Variants in EPHA6 observed in about 807,000 individuals in gnomAD.
EPHA6 encodes EPH receptor A6.
Under a neutral mutation model 112.0 loss-of-function variants are expected in EPHA6, and 50 were observed. The observed-to-expected ratio is 0.45, with a 90% CI of 0.36 to 0.56. The LOEUF (loss-of-function observed/expected upper bound fraction) is 0.56. EPHA6 is among the 20% of genes least tolerant of loss of function. The pLI is 0.00. For missense variants in EPHA6, 1,280 were observed against 1,417.4 expected, an observed-to-expected ratio of 0.90 and a Z score of 1.56; for synonymous variants, 529 against 490.7, an observed-to-expected ratio of 1.08 and a Z score of -1.03.
At chr3:97,355,573 A>C (rs776285620) in intron 5 of EPHA6, among the ~76,000 whole-genome samples, 1 of 152,210 alleles carries the variant, frequency 6.6e-6, no homozygotes, top group Non-Finnish European at 1.5e-5. Flanking sequence ...CTGCTAGAGA[A>C]AATCACCTTC....
At chr3:96,842,007 CTT>C (rs2034781708) in intron 1 of EPHA6, among the ~76,000 whole-genome samples, 1 of 151,976 alleles carries the variant, frequency 6.6e-6, no homozygotes, top group South Asian at 2.1e-4. Flanking sequence ...ATTGAGTACT[CTT>C]ATATCATGCA....
At chr3:96,907,528 A>G (rs988293244) in intron 2 of EPHA6, among the ~76,000 whole-genome samples, 2 of 151,432 alleles carry the variant, frequency 1.3e-5, no homozygotes, top group African/African-American at 4.8e-5. Context: ...CCTTAGTTTT[A>G]TTTACATTGA....
At chr3:97,593,290 A>G (rs1210806671) in intron 12 of EPHA6, among the ~76,000 whole-genome samples, 1 of 152,240 alleles carries the variant, frequency 6.6e-6, no homozygotes. Flanking sequence ...GAAACAAAAT[A>G]TAGGATATTG....
chr3:97,252,522 G>A (rs1559829221), intron 5 of EPHA6, among the ~76,000 whole-genome samples: 1 of 152,144 alleles, frequency 6.6e-6, no homozygotes, highest in African/African-American at 2.4e-5. Context: ...CCTCACTGGG[G>A]AAAATGAACA....
At chr3:97,123,623 T>C (rs571507862) in intron 3 of EPHA6, among the ~76,000 whole-genome samples, 2 of 152,154 alleles carry the variant, frequency 1.3e-5, no homozygotes, top group South Asian at 4.1e-4. Context: ...AAAATAGTCA[T>C]CAAAGAGAAT....
chr3:97,190,417 G>A (rs1423295994), intron 3 of EPHA6, among the ~76,000 whole-genome samples: 2 of 151,980 alleles, frequency 1.3e-5, no homozygotes, highest in Non-Finnish European at 2.9e-5. Flanking sequence ...TACCCCTTAA[G>A]TGGGATAATT....
chr3:97,481,467 A>G (rs1577532361), intron 9 of EPHA6: 1 of 1,266,382 alleles, frequency 7.9e-7, no homozygotes, highest in Non-Finnish European at 1.1e-6. Context: ...AATATTTCAG[A>G]GGCAATAAGG....
intron 2 of EPHA6, among the ~76,000 whole-genome samples, chr3:96,967,181 TACACACACAC>T (rs144463079): frequency 1.4e-5 from 2 of 146,100 alleles, no homozygotes; most frequent in East Asian, 2.0e-4. Flanking sequence ...ATGCTATGAA[TACACACACAC>T]ACACACACAC....
intron 3 of EPHA6, among the ~76,000 whole-genome samples, chr3:97,014,863 G>C (rs1213427839): frequency 5.9e-5 from 9 of 152,232 alleles, no homozygotes; most frequent in Non-Finnish European, 1.3e-4. Context: ...CCATGGAGTA[G>C]TGGTATGTTA....
chr3:96,961,274 T>C (rs2041940520), intron 2 of EPHA6, among the ~76,000 whole-genome samples: 1 of 152,224 alleles, frequency 6.6e-6, no homozygotes, highest in African/African-American at 2.4e-5. Flanking sequence ...CAAATGTATC[T>C]ATTCATCTCT....
chr3:97,470,785 G>T (rs2091207037), intron 7 of EPHA6, among the ~76,000 whole-genome samples: 1 of 151,452 alleles, frequency 6.6e-6, no homozygotes, highest in South Asian at 2.1e-4. Context: ...TCCTCTTAAG[G>T]AAGTATACTT....
chr3:97,588,473 T>C (rs1469622688), intron 11 of EPHA6, among the ~76,000 whole-genome samples: 1 of 152,248 alleles, frequency 6.6e-6, no homozygotes, highest in Non-Finnish European at 1.5e-5. Context: ...TCATTTATAT[T>C]ACAGAGATAT....
chr3:97,451,253 AT>A (rs2090519099), intron 7 of EPHA6, among the ~76,000 whole-genome samples: 1 of 152,010 alleles, frequency 6.6e-6, no homozygotes, highest in Non-Finnish European at 1.5e-5. Flanking sequence ...GCAAGACCCT[AT>A]GCTGAGCAAT....
At position 96,832,485 on chromosome 3, in the gene EPHA6, G is replaced by A. The variant is rs1398692807; in HGVS notation, c.385+17477G>A. 2.0e-5 allele frequency among the ~76,000 whole-genome samples: 3 copies of A among 152,006 alleles called. No homozygotes were observed. The East Asian group carries it at 5.8e-4, about 29-fold the overall frequency. ...CAGTAAGGAAATATGTAGGTGGCCTGAACTTCTAACCTTTCTTGTAAAAGA... is the reference window on the plus strand; with the variant it reads ...CAGTAAGGAAATATGTAGGTGGCCTAAACTTCTAACCTTTCTTGTAAAAGA... On this transcript the variant is annotated intron_variant, in intron 1 of 17. Coordinates refer to ENST00000389672, the MANE Select transcript of EPHA6 (RefSeq NM_001080448.3).
chr3:97,013,797 G>A (rs1356264082), intron 3 of EPHA6, among the ~76,000 whole-genome samples: 1 of 151,972 alleles, frequency 6.6e-6, no homozygotes, highest in Non-Finnish European at 1.5e-5. Context: ...ATATAAACAA[G>A]AACCTTTGTT....
chr3:97,293,820 C>A (rs2080781837), intron 5 of EPHA6, among the ~76,000 whole-genome samples: 1 of 152,218 alleles, frequency 6.6e-6, no homozygotes, highest in African/African-American at 2.4e-5. Flanking sequence ...TCAACATGTC[C>A]ATGGATCCCT....
intron 11 of EPHA6, among the ~76,000 whole-genome samples, chr3:97,545,686 T>A (rs1240074561): frequency 6.6e-6 from 1 of 152,148 alleles, no homozygotes; most frequent in Non-Finnish European, 1.5e-5. Flanking sequence ...CTCATTATTA[T>A]TGTGTGGGAG....
intron 10 of EPHA6, among the ~76,000 whole-genome samples, chr3:97,511,119 C>T (rs979302408): frequency 1.2e-4 from 18 of 152,030 alleles, no homozygotes; most frequent in East Asian, 1.9e-4. Flanking sequence ...GGGCTCTTTG[C>T]GGGTGGGATC....
chr3:96,963,926 A>G (rs1265685663), intron 2 of EPHA6, among the ~76,000 whole-genome samples: 1 of 152,142 alleles, frequency 6.6e-6, no homozygotes, highest in Non-Finnish European at 1.5e-5. Flanking sequence ...CCAGACATCC[A>G]AATCTCTAGA....
Sources: gnomAD v4.1 joint callset for allele counts (sites outside exome capture counted in the v4.1 genomes callset) on GRCh38, gnomAD v4.1.1 for gene constraint, MANE v1.5 for transcripts, NCBI Gene and HGNC (gene_info 2026-07-23, HGNC 2026-07-21) for gene names.